MCTP2: variants seen among roughly 807,000 people sequenced by gnomAD.
MCTP2 encodes multiple C2 and transmembrane domain-containing protein 2.
In MCTP2, 132 loss-of-function variants were observed where a neutral mutation model predicts 111.6. The ratio of observed to expected loss-of-function variants is 1.18; its 90% CI spans 1.03 to 1.37. MCTP2 has a LOEUF of 1.37. MCTP2 is among the 40% of genes most tolerant of loss of function. MCTP2 has a pLI of 0.00. For missense variants in MCTP2, 1,183 were observed against 1,067.9 expected (o/e 1.11, Z -1.50); for synonymous variants, 395 against 387.7 (o/e 1.02, Z -0.22).
At chr15:94,463,704 G>A (rs1373935095) in intron 20 of MCTP2, among the ~76,000 whole-genome samples, 1 of 152,076 alleles carries the variant, frequency 6.6e-6, no homozygotes, top group Non-Finnish European at 1.5e-5. Flanking sequence ...AATGATGTTT[G>A]CTGTAGGTTA....
At chr15:94,413,114 A>G (rs1317388259) in intron 17 of MCTP2, among the ~76,000 whole-genome samples, 1 of 152,218 alleles carries the variant, frequency 6.6e-6, no homozygotes, top group Non-Finnish European at 1.5e-5. Flanking sequence ...ATAGCTTGGC[A>G]ATCGCTTGAG....
intron 9 of MCTP2, 80 bp downstream of exon 9, chr15:94,356,381 T>A: frequency 7.6e-7 from 1 of 1,323,476 alleles, no homozygotes; most frequent in African/African-American, 1.5e-5. Flanking sequence ...CTTTAAATTT[T>A]ACAAAAGTAG....
In MCTP2 at chr15:94,358,543, A is replaced by G; in HGVS notation, c.1232A>G (p.Asp411Gly). Residue 411 changes from aspartate (D) to glycine (G), a missense_variant, in exon 10 of 23, where the codon GAC becomes GGC. Physicochemically the swap from Asp to Gly is moderately conservative, Grantham distance 94. Coordinates refer to ENST00000357742, the MANE Select transcript of MCTP2 (RefSeq NM_001385001.1). The part of the protein sequence containing the change: ...QEQFDFHYFS[D>G]RMGILDIEVW... ...CAGTTTGACTTTCACTACTTCTCTG[A>G]CAGGATGGGCATTTTGGACATTGAA... 6.2e-7 allele frequency: 1 copy of G among 1,613,882 alleles called. No individual in the cohort carries two copies. The highest frequency in any genetic ancestry group is 2.2e-5 in the East Asian group (1 of 44,868).
chr15:94,287,058 G>T (rs556831141), intron 1 of MCTP2, among the ~76,000 whole-genome samples: 72 of 152,242 alleles, frequency 4.7e-4, no homozygotes, highest in African/African-American at 1.7e-3. Flanking sequence ...AATATCCTTC[G>T]AGAGGAAGCA....
rs1491228804 is a variant in MCTP2, at chr15:94,243,138, G to GGTATCTACGGCTGTGT, written c.-66+11474_-66+11475insGTATCTACGGCTGTGT. Among the ~76,000 whole-genome samples the GGTATCTACGGCTGTGT allele has an allele frequency of 5.4e-3, 340 of 62,490 alleles. 101 individuals carry two copies. Among genetic ancestry groups the GGTATCTACGGCTGTGT allele is most frequent in the Non-Finnish European group, 8.3e-3 (228 of 27,636 alleles). The allele number at this position is 62,490 out of a possible 152,430, so 41.0% of individuals were successfully genotyped here. A position where few individuals can be genotyped will look rare whatever the true frequency, so the allele number is the denominator to read the frequency against. Reference sequence around the variant, plus strand: ...GTGTATATATGTATCTACGGGTGTGGATATATTTATATACGTGTGTGTATA... The same window carrying GGTATCTACGGCTGTGT: ...GTGTATATATGTATCTACGGGTGTGGGTATCTACGGCTGTGTATATATTTATATACGTGTGTGTATA... On this transcript the variant is annotated intron_variant, in intron 1 of 22. Transcript: ENST00000357742.
rs1047691120 is a variant in MCTP2 at position 94,438,153 on chromosome 15, T to C, written c.2086-2023T>C. Among the ~76,000 whole-genome samples the C allele has an allele frequency of 5.9e-5, 9 of 152,152 alleles. No individual in the cohort carries two copies. The East Asian group carries it at 1.2e-3, about 20-fold the overall frequency. The stretch of plus-strand genomic sequence containing the variant: ...ACCACTATTTCAGCCCATGTTTGCA[T>C]TGATGAGCGAGTATAGTCGTCAAAT... On this transcript the variant is annotated intron_variant, in intron 17 of 22. Coordinates refer to ENST00000357742, the MANE Select transcript of MCTP2 (RefSeq NM_001385001.1).
chr15:94,378,840 C>G (rs996909294), intron 12 of MCTP2, among the ~76,000 whole-genome samples: 1 of 152,132 alleles, frequency 6.6e-6, no homozygotes, highest in Non-Finnish European at 1.5e-5. Flanking sequence ...GAACAGAGAT[C>G]AACATTTCAT....
At chr15:94,245,281 T>TAC (rs1344700291) in intron 1 of MCTP2, among the ~76,000 whole-genome samples, 15 of 142,080 alleles carry the variant, frequency 1.1e-4, no homozygotes, top group African/African-American at 1.5e-4. Flanking sequence ...TATACGTATA[T>TAC]ACACATATGT....
In MCTP2 at chr15:94,476,676, C is replaced by T. The variant is rs772454160; in HGVS notation, c.2471-20C>T. On this transcript the variant is annotated intron_variant, in intron 21 of 22. Transcript: ENST00000357742. ...GACAGACAGACAGATAAAGAGATCT[C>T]CTGTGTTTCTATTTTTCAGGCATAA... The T allele has an allele frequency of 1.7e-6, 2 of 1,211,068 alleles. No individual in the cohort carries two copies. The highest frequency in any genetic ancestry group is 2.5e-6 in the Non-Finnish European group (2 of 814,364). The allele number at this position is 1,211,068 out of a possible 1,614,324, so 75.0% of individuals were successfully genotyped here.
chr15:94,396,776 C>T (rs973701959), intron 14 of MCTP2, among the ~76,000 whole-genome samples: 1 of 151,996 alleles, frequency 6.6e-6, no homozygotes, highest in Non-Finnish European at 1.5e-5. Flanking sequence ...ACTAAATGTT[C>T]ATCAATAGGA....
chr15:94,364,808 C>T (rs2079105309), intron 10 of MCTP2, among the ~76,000 whole-genome samples: 1 of 152,190 alleles, frequency 6.6e-6, no homozygotes, highest in African/African-American at 2.4e-5. Flanking sequence ...CAGTCTCTGG[C>T]TAATGTCCAG....
chr15:94,440,100 A>G (rs2083691158), intron 17 of MCTP2, 76 bp from the exon 18 acceptor site: 1 of 1,535,090 alleles, frequency 6.5e-7, no homozygotes, highest in African/African-American at 1.4e-5. Flanking sequence ...ATCTCCTTAC[A>G]TCAATGAGTA....
intron 17 of MCTP2, among the ~76,000 whole-genome samples, chr15:94,406,861 T>TG (rs930269025): frequency 7.2e-6 from 1 of 139,182 alleles, no homozygotes; most frequent in Non-Finnish European, 1.6e-5. Context: ...TTCAGTTGTT[T>TG]TTTTTTTTTT....
intron 8 of MCTP2, among the ~76,000 whole-genome samples, chr15:94,346,843 G>C (rs1216696904): frequency 6.6e-6 from 1 of 152,102 alleles, no homozygotes; most frequent in Non-Finnish European, 1.5e-5. Flanking sequence ...GGAAACAGAA[G>C]ATCCCGGAGA....
intron 17 of MCTP2, among the ~76,000 whole-genome samples, chr15:94,437,729 C>T (rs746041165): frequency 5.3e-5 from 8 of 151,782 alleles, no homozygotes; most frequent in South Asian, 2.1e-4. Flanking sequence ...TGTATGGTTA[C>T]GAAATTATAG....
chr15:94,243,468 T>TGCGTAC lies in MCTP2; in HGVS notation c.-66+11804_-66+11805insGCGTAC, dbSNP rs1567251979. ...ACGTATGCGTACATGCGTATGCGTA[T>TGCGTAC]ATGCGTATGTACACACATACGTATG... On this transcript the variant is annotated intron_variant, in intron 1 of 22. Coordinates refer to ENST00000357742, the MANE Select transcript of MCTP2 (RefSeq NM_001385001.1). 5.8e-5 allele frequency among the ~76,000 whole-genome samples: 7 copies of TGCGTAC among 121,586 alleles called. 1 individual carries two copies. Among genetic ancestry groups the TGCGTAC allele is most frequent in the Non-Finnish European group, 1.1e-4 (6 of 56,898 alleles). 79.8% of individuals were successfully genotyped at this position (121,586 alleles called of 152,430 possible). A position where few individuals can be genotyped will look rare whatever the true frequency, so the allele number is the denominator to read the frequency against.
chr15:94,314,163 ACTGAAGCTGCATAT>A, intron 2 of MCTP2, 105 bp from the exon 3 acceptor site: 1 of 664,072 alleles, frequency 1.5e-6, no homozygotes, highest in South Asian at 2.0e-5. Context: ...GGCGGCCCTC[ACTGAAGCTGCATAT>A]GCAAATATCA....
intron 1 of MCTP2, among the ~76,000 whole-genome samples, chr15:94,295,866 G>A (rs954172738): frequency 1.3e-5 from 2 of 151,048 alleles, no homozygotes; most frequent in Non-Finnish European, 2.9e-5. Flanking sequence ...AGTGAGCTGT[G>A]ATCGTGCCAT....
At position 94,334,329 on chromosome 15, in the gene MCTP2, A is replaced by G. The variant is rs374037838; in HGVS notation, c.638-4961A>G. On this transcript the variant is annotated intron_variant, in intron 4 of 22. Coordinates refer to ENST00000357742, the MANE Select transcript of MCTP2 (RefSeq NM_001385001.1). ...TCTGAGACTTTAATTCACCATGTAC[A>G]TCTAACTTCAAAATTTATTCATTCA... Among the ~76,000 whole-genome samples, 9 of 152,336 alleles carry G rather than the reference A, an allele frequency of 5.9e-5. 1 individual carries two copies. In the South Asian group the frequency reaches 1.7e-3, roughly 28 times the overall value.
Sources: allele counts gnomAD v4.1 joint callset (sites outside exome capture counted in the v4.1 genomes callset), GRCh38; gene constraint gnomAD v4.1.1; transcripts MANE v1.5; gene names NCBI Gene and HGNC (gene_info 2026-07-23, HGNC 2026-07-21).